SH2D3C: variants seen among roughly 807,000 people sequenced by gnomAD.
SH2D3C encodes the protein SH2 domain containing 3C.
In SH2D3C, 25 loss-of-function variants were observed where a neutral mutation model predicts 75.2. The ratio of observed to expected loss-of-function variants is 0.33; its 90% CI spans 0.24 to 0.46. SH2D3C has a LOEUF of 0.46. SH2D3C is among the 20% of genes least tolerant of loss of function. The pLI is 1.00. For missense variants in SH2D3C, 933 were observed against 1,165.3 expected, an observed-to-expected ratio of 0.80 and a Z score of 2.90; for synonymous variants, 450 against 473.7, an observed-to-expected ratio of 0.95 and a Z score of 0.65.
At chr9:127,740,167 T>G (rs2131731042) in intron 10 of SH2D3C, 91 bp downstream of exon 10, 1 of 1,090,426 alleles carries the variant, frequency 9.2e-7, no homozygotes, top group South Asian at 1.4e-5. Flanking sequence ...TGCACAGAGC[T>G]CAGCCAGGCT....
intron 3 of SH2D3C, among the ~76,000 whole-genome samples, chr9:127,756,216 C>T (rs763967465): frequency 7.2e-5 from 11 of 152,174 alleles, no homozygotes; most frequent in Non-Finnish European, 1.5e-4. Flanking sequence ...GCATGAGAAT[C>T]GCTTGAACCC....
Position 127,754,472 on chromosome 9 carries a change from C to G in SH2D3C, c.556-3172G>C, listed in dbSNP as rs949122997. 3.3e-5 allele frequency among the ~76,000 whole-genome samples: 5 copies of G among 152,258 alleles called. No homozygotes were observed. The South Asian group carries it at 1.0e-3, about 31-fold the overall frequency. Reference sequence around the variant, plus strand: ...GGATGCTCCGCAGAGAGGCGGGGTCCGGGTCCTCCCCTCCACCCCCTTCCG... The same window carrying G: ...GGATGCTCCGCAGAGAGGCGGGGTCGGGGTCCTCCCCTCCACCCCCTTCCG... On this transcript the variant is annotated intron_variant, in intron 3 of 11. Transcript: ENST00000314830. This position sits in a 1 kb window ranked among gnomAD's most constrained non-coding sequence, Gnocchi z 4.4.
rs200833376 is a variant in SH2D3C, at chr9:127,749,374, G to A, written c.976C>T (p.Arg326Cys). The A allele has an allele frequency of 8.1e-6, 13 of 1,613,996 alleles. No individual in the cohort carries two copies. Among genetic ancestry groups the A allele is most frequent in the South Asian group, 3.3e-5 (3 of 91,092 alleles). Residue 326 changes from arginine to cysteine, a missense_variant, in exon 5 of 12, where the codon CGC becomes TGC. By Grantham distance (180) the Arg-to-Cys change is radical (BLOSUM62 -3). Coordinates refer to ENST00000314830, the MANE Select transcript of SH2D3C (RefSeq NM_170600.3). The surrounding 1 kb of genome is among the most constrained non-coding windows in gnomAD (Gnocchi z 5.9). ...YCPVNRTFPLRYLEASYGLGQ... is the reference protein window; with the variant it reads ...YCPVNRTFPLCYLEASYGLGQ... ...AGGCCATAGCTGGCCTCGAGGTAGC[G>A]CAGTGGGAAGGTGCGGTTCACCGGG...
rs569366296 is a variant in SH2D3C, at chr9:127,750,230, C to T, written c.685-565G>A. 7.9e-5 allele frequency among the ~76,000 whole-genome samples: 12 copies of T among 152,086 alleles called. No homozygotes were observed. The South Asian group carries it at 2.1e-3, about 26-fold the overall frequency. On this transcript the variant is annotated intron_variant, in intron 4 of 11. Coordinates refer to ENST00000314830, the MANE Select transcript of SH2D3C (RefSeq NM_170600.3). ...AGGCTGGAGTGAGGTGGCACACTCA[C>T]TGCAACCTCCGCCTCCTTGGTTCAA...
At chr9:127,772,896 T>TGATCTCA (rs1168824446) in intron 2 of SH2D3C, among the ~76,000 whole-genome samples, 23 of 151,870 alleles carry the variant, frequency 1.5e-4, no homozygotes, top group African/African-American at 5.3e-4. Context: ...TACAGTGGTG[T>TGATCTCA]GATCTCAGCT....
At position 127,749,651 on chromosome 9, in the gene SH2D3C, C is replaced by A. The variant is rs1248447877; in HGVS notation, c.699G>T (p.Leu233Phe). ...TGAGGAAGTCGCCGTTGCGTTGTAC[C>A]AAGGTCTCCGAGACCTGCAGAAGGC... is the stretch of plus-strand genomic sequence containing the variant. ...GRIPREVSET[L>F]VQRNGDFLIR... The change falls in exon 5 of 12, where the codon TTG (leucine) becomes TTT (phenylalanine). Residue 233 changes from leucine (L) to phenylalanine (F), a missense_variant. Transcript: ENST00000314830. The surrounding 1 kb of genome is among the most constrained non-coding windows in gnomAD (Gnocchi z 5.9). The A allele has an allele frequency of 5.8e-6, 9 of 1,552,690 alleles. No homozygotes were observed. The highest frequency in any genetic ancestry group is 7.8e-6 in the Non-Finnish European group (9 of 1,152,944).
In SH2D3C at chr9:127,741,809, C is replaced by T. The variant is rs1477034866; in HGVS notation, c.2067G>A (p.Met689Ile). 6.2e-7 allele frequency: 1 copy of T among 1,613,106 alleles called. No individual in the cohort carries two copies. The highest frequency in any genetic ancestry group is 1.3e-5 in the African/African-American group (1 of 74,938). ...GTACCTGGGCCATGTCCAGGGCACC[C>T]ATGACCGCCGCGAAGCTGAACATGT... The part of the protein sequence containing the change: ...MGNMFSFAAV[M>I]GALDMAQISR... The change falls in exon 9 of 12, where the codon ATG becomes ATA. Residue 689 changes from methionine to isoleucine, a missense_variant. Transcript: ENST00000314830.
In SH2D3C at chr9:127,739,825, C is replaced by T. The variant is rs779796508; in HGVS notation, c.2264G>A (p.Cys755Tyr). The T allele has an allele frequency of 3.8e-6, 6 of 1,585,138 alleles. No individual in the cohort carries two copies. Among genetic ancestry groups the T allele is most frequent in the Non-Finnish European group, 5.1e-6 (6 of 1,165,656 alleles). The change falls in exon 11 of 12, where the codon TGT becomes TAT. Residue 755 changes from cysteine (C) to tyrosine (Y), a missense_variant. Coordinates refer to ENST00000314830, the MANE Select transcript of SH2D3C (RefSeq NM_170600.3). The surrounding 1 kb of genome is among the most constrained non-coding windows in gnomAD (Gnocchi z 4.3). The part of the protein sequence containing the change: ...HVLPLITLLE[C>Y]DSAPPEGPEP... ...AGGGCCCTCTGGTGGGGCCGAGTCA[C>T]ACTCCAGCAGGGTGATGAGGGGCAG...
chr9:127,768,628 C>A (rs1207056765), intron 2 of SH2D3C, among the ~76,000 whole-genome samples: 6 of 152,216 alleles, frequency 3.9e-5, no homozygotes, highest in Admixed American at 3.3e-4. Flanking sequence ...AAAAAGAGGT[C>A]TTTTAACAAC....
At chr9:127,768,027 C>A (rs147621091) in intron 2 of SH2D3C, among the ~76,000 whole-genome samples, 3 of 152,210 alleles carry the variant, frequency 2.0e-5, no homozygotes, top group East Asian at 3.9e-4. Context: ...CCGGTTCCCA[C>A]AGCCCAAGGC....
chr9:127,754,789 C>A lies in SH2D3C; in HGVS notation c.556-3489G>T. On this transcript the variant is annotated intron_variant, in intron 3 of 11. Transcript: ENST00000314830. This position sits in a 1 kb window ranked among gnomAD's most constrained non-coding sequence, Gnocchi z 4.4. ...ACGCCGGAGACCCCATCTCCCAGTC[C>A]CCCCTGCCCCAGCTCTCTCCCTCCT... The A allele has an allele frequency of 2.1e-6, 1 of 478,878 alleles. No individual in the cohort carries two copies. Among genetic ancestry groups the A allele is most frequent in the South Asian group, 1.6e-5 (1 of 64,486 alleles). 29.7% of individuals were successfully genotyped at this position (478,878 alleles called of 1,614,324 possible).
At chr9:127,772,946 G>A (rs921762334) in intron 2 of SH2D3C, among the ~76,000 whole-genome samples, 6 of 151,556 alleles carry the variant, frequency 4.0e-5, no homozygotes, top group African/African-American at 1.5e-4. Flanking sequence ...CAATTCTCGT[G>A]CCTCCACCTC....
In SH2D3C at chr9:127,742,858, A is replaced by T. The variant is rs1423017596; in HGVS notation, c.1907T>A (p.Leu636Gln). 1 of 1,612,418 alleles carries T rather than the reference A, an allele frequency of 6.2e-7. No individual in the cohort carries two copies. ...GCCGGCGCTGTCTCACCTTTCCAGC[A>T]GGTCTAGGCGTAGCTGCCGGCCATG... is the stretch of plus-strand genomic sequence containing the variant. Reference protein sequence around the residue: ...LPHGRQLRLDLLERFHTMSIM... With the variant: ...LPHGRQLRLDQLERFHTMSIM... Residue 636 changes from leucine to glutamine, a missense_variant, in exon 8 of 12, where the codon CTG (leucine) becomes CAG (glutamine). Physicochemically the swap from Leu to Gln is moderately radical, Grantham distance 113. Coordinates refer to ENST00000314830, the MANE Select transcript of SH2D3C (RefSeq NM_170600.3).
rs1197226964 is a variant in SH2D3C at position 127,751,854 on chromosome 9, A to G, written c.556-554T>C. Among the ~76,000 whole-genome samples the G allele has an allele frequency of 6.6e-6, 1 of 152,198 alleles. No homozygotes were observed. Among genetic ancestry groups the G allele is most frequent in the Non-Finnish European group, 1.5e-5 (1 of 68,020 alleles). Reference sequence around the variant, plus strand: ...TGCAGGAAAAGCTATGAACAAAACCACAGAACTGGTTGGACAAGGATACGT... The same window carrying G: ...TGCAGGAAAAGCTATGAACAAAACCGCAGAACTGGTTGGACAAGGATACGT... On this transcript the variant is annotated intron_variant, in intron 3 of 11. Transcript: ENST00000314830. The surrounding 1 kb of genome is among the most constrained non-coding windows in gnomAD (Gnocchi z 4.1).
Position 127,747,146 on chromosome 9 carries a change from C to CAT in SH2D3C, c.1264_1264+1insAT (p.Val422AspfsTer2). The stretch of plus-strand genomic sequence containing the variant: ...TGCTCCACCCCCTCTGCTGGCCATA[C>CAT]CAGTGCTGTAGGCAGGGGAGCTAGG... On this transcript the variant is annotated frameshift_variant and splice_region_variant. Transcript: ENST00000314830. LOFTEE classifies it high-confidence loss of function. 1 of 1,613,644 alleles carries CAT rather than the reference C, an allele frequency of 6.2e-7. No individual in the cohort carries two copies. Among genetic ancestry groups the CAT allele is most frequent in the South Asian group, 1.1e-5 (1 of 91,044 alleles).
Position 127,742,857 on chromosome 9 carries a change from C to G in SH2D3C, c.1908G>C (p.Leu636=). 1.2e-6 allele frequency: 2 copies of G among 1,612,180 alleles called. No individual in the cohort carries two copies. Among genetic ancestry groups the G allele is most frequent in the Non-Finnish European group, 1.7e-6 (2 of 1,179,078 alleles). Residue 636 remains leucine, a synonymous_variant, in exon 8 of 12, where the codon CTG becomes CTC. Coordinates refer to ENST00000314830, the MANE Select transcript of SH2D3C (RefSeq NM_170600.3). ...TGCCGGCGCTGTCTCACCTTTCCAG[C>G]AGGTCTAGGCGTAGCTGCCGGCCAT... ...LPHGRQLRLD[L]LERFHTMSIM...
At chr9:127,776,366 G>T (rs562970285) in intron 1 of SH2D3C, among the ~76,000 whole-genome samples, 1 of 152,058 alleles carries the variant, frequency 6.6e-6, no homozygotes, top group African/African-American at 2.4e-5. Flanking sequence ...TGCACCTGGG[G>T]TGGGGGTGGA....
At chr9:127,741,999 CA>C (rs2131735206) in intron 8 of SH2D3C, 40 bp from the exon 9 acceptor site, 1 of 1,564,624 alleles carries the variant, frequency 6.4e-7, no homozygotes, top group Non-Finnish European at 8.6e-7. Flanking sequence ...GGCTCGGGGA[CA>C]GGGGTGAGGG....
At chr9:127,743,273 T>G (rs1844920821) in intron 7 of SH2D3C, among the ~76,000 whole-genome samples, 1 of 152,126 alleles carries the variant, frequency 6.6e-6, no homozygotes, top group Admixed American at 6.5e-5. Context: ...GAGGCCAAGG[T>G]GGGCGGATCG....
Sources: allele counts gnomAD v4.1 joint callset (sites outside exome capture counted in the v4.1 genomes callset), GRCh38; gene constraint gnomAD v4.1.1; non-coding constraint Gnocchi (gnomAD v3.1); transcripts MANE v1.5; gene names NCBI Gene and HGNC (gene_info 2026-07-23, HGNC 2026-07-21).